SCMH1: variants seen among roughly 807,000 people sequenced by gnomAD.
SCMH1 encodes polycomb protein SCMH1.
SCMH1 carries 37 observed loss-of-function variants against 70.8 expected under a neutral mutation model. That is an observed-to-expected ratio of 0.52 (90% confidence interval 0.40 to 0.69). SCMH1 has a LOEUF of 0.69. Among genes scored for constraint, SCMH1 ranks in the 30% least tolerant of loss-of-function variants. The probability of loss-of-function intolerance (pLI) is 0.00; values close to 1 mark genes in which losing one functional copy is unlikely to be tolerated. For synonymous variants in SCMH1, 292 were observed against 307.4 expected, an observed-to-expected ratio of 0.95 and a Z score of 0.52; for missense variants, 607 against 827.3, an observed-to-expected ratio of 0.73 and a Z score of 3.27.
intron 13 of SCMH1, among the ~76,000 whole-genome samples, chr1:41,036,485 C>T (rs1227349114): frequency 1.3e-5 from 2 of 152,208 alleles, no homozygotes; most frequent in African/African-American, 2.4e-5. Flanking sequence ...CTTCTCCAAA[C>T]CTTCTGTCTC....
intron 1 of SCMH1, among the ~76,000 whole-genome samples, chr1:41,203,551 C>T (rs1654839777): frequency 6.6e-6 from 1 of 152,144 alleles, no homozygotes; most frequent in South Asian, 2.1e-4. Flanking sequence ...ATAAACTGGT[C>T]CCAAAACTGG....
At chr1:41,104,147 A>G (rs1314754784) in intron 8 of SCMH1, among the ~76,000 whole-genome samples, 1 of 152,186 alleles carries the variant, frequency 6.6e-6, no homozygotes, top group Non-Finnish European at 1.5e-5. Flanking sequence ...ACATGGTGCT[A>G]TGCATTTGCC....
At chr1:41,107,522 A>AT (rs890587927) in intron 8 of SCMH1, among the ~76,000 whole-genome samples, 6 of 149,498 alleles carry the variant, frequency 4.0e-5, no homozygotes, top group East Asian at 3.9e-4. Context: ...CTAGGATTAC[A>AT]TTTTTTTTTC....
intron 8 of SCMH1, among the ~76,000 whole-genome samples, chr1:41,099,469 C>G (rs1007231964): frequency 6.6e-6 from 1 of 152,170 alleles, no homozygotes; most frequent in African/African-American, 2.4e-5. Context: ...TTAATTTACC[C>G]CATATTCACA....
intron 6 of SCMH1, among the ~76,000 whole-genome samples, chr1:41,124,186 C>T (rs1672611219): frequency 6.6e-6 from 1 of 152,086 alleles, no homozygotes. Context: ...TGCTTTTCAT[C>T]TACATATATT....
chr1:41,165,031 C>G (rs1040653121), intron 2 of SCMH1, among the ~76,000 whole-genome samples: 1 of 152,034 alleles, frequency 6.6e-6, no homozygotes, highest in Non-Finnish European at 1.5e-5. Flanking sequence ...ACCAATGTAT[C>G]CCTTTTTTCT....
At chr1:41,217,014 TAAC>T (rs1302632041) in intron 1 of SCMH1, among the ~76,000 whole-genome samples, 3 of 152,176 alleles carry the variant, frequency 2.0e-5, no homozygotes, top group African/African-American at 7.2e-5. Flanking sequence ...TGCACTACTC[TAAC>T]AAATACTTAA....
intron 6 of SCMH1, among the ~76,000 whole-genome samples, chr1:41,131,968 T>A (rs141075708): frequency 3.0e-4 from 46 of 152,344 alleles, no homozygotes; most frequent in African/African-American, 1.1e-3. Flanking sequence ...TTTGGGTTGG[T>A]CCAATTGTTT....
At chr1:41,122,155 A>G (rs1179707892) in intron 6 of SCMH1, among the ~76,000 whole-genome samples, 1 of 152,198 alleles carries the variant, frequency 6.6e-6, no homozygotes. Context: ...TTCACAACAC[A>G]AAACAGATCT....
In SCMH1 at chr1:41,161,348, GT is replaced by G. The variant is rs1182325827; in HGVS notation, c.82+15del. The G allele has an allele frequency of 3.9e-6, 6 of 1,547,140 alleles. No individual in the cohort carries two copies. The highest frequency in any genetic ancestry group is 1.7e-4 in the Middle Eastern group (1 of 5,988). On this transcript the variant is annotated intron_variant, in intron 3 of 14. Coordinates refer to ENST00000337495, the Ensembl canonical transcript of SCMH1. Reference sequence around the variant, plus strand: ...GTAAAATTTTTCCACACCAAACGGAGTTTTTTCCCCCTTACCTTGATATTGG... The same window carrying G: ...GTAAAATTTTTCCACACCAAACGGAGTTTTTCCCCCTTACCTTGATATTGG...
chr1:41,147,709 T>C (rs1394758956), intron 5 of SCMH1, among the ~76,000 whole-genome samples: 3 of 152,166 alleles, frequency 2.0e-5, no homozygotes, highest in Non-Finnish European at 4.4e-5. Flanking sequence ...TTTTGCTTCA[T>C]GTCAGGATTT....
chr1:41,079,090 C>T (rs192507443), intron 8 of SCMH1, among the ~76,000 whole-genome samples: 16 of 151,924 alleles, frequency 1.1e-4, no homozygotes, highest in African/African-American at 1.9e-4. Context: ...TATTTGCATA[C>T]GGCAATTAAT....
intron 6 of SCMH1, among the ~76,000 whole-genome samples, chr1:41,124,019 T>C (rs888919559): frequency 1.2e-4 from 18 of 152,318 alleles, no homozygotes; most frequent in Non-Finnish European, 2.2e-4. Context: ...CTGGGGAACA[T>C]GGACACACAA....
intron 6 of SCMH1, among the ~76,000 whole-genome samples, chr1:41,135,400 C>T (rs1488241852): frequency 6.6e-6 from 1 of 152,146 alleles, no homozygotes; most frequent in East Asian, 1.9e-4. Flanking sequence ...GCAGTTTCCC[C>T]TATGCTATTC....
chr1:41,070,673 T>A, exon 10 of SCMH1: 3 of 1,614,106 alleles, frequency 1.9e-6, no homozygotes, highest in Non-Finnish European at 2.5e-6. Flanking sequence ...TCAGGAGTGC[T>A]GGTTGTTGGT....
intron 11 of SCMH1, 28 bp downstream of exon 11, chr1:41,048,662 G>C: frequency 1.2e-6 from 2 of 1,605,406 alleles, no homozygotes; most frequent in Non-Finnish European, 1.7e-6. Context: ...TTCTGGCTGG[G>C]AGGCAATATG....
Position 41,159,687 on chromosome 1 carries a change from A to G in SCMH1, c.106+1188T>C, listed in dbSNP as rs751255949. 21 of 1,516,886 alleles carry G rather than the reference A, an allele frequency of 1.4e-5. No homozygotes were observed. In the African/African-American group the frequency reaches 2.1e-4, roughly 15 times the overall value. 94.0% of individuals were successfully genotyped at this position (1,516,886 alleles called of 1,614,324 possible). On this transcript the variant is annotated intron_variant, in intron 4 of 14. Coordinates refer to ENST00000337495, the Ensembl canonical transcript of SCMH1. The stretch of plus-strand genomic sequence containing the variant: ...TGAGGAAAGTTTTAAAGAATAATAA[A>G]AAATAACTATCATTTATCAAGTGCC...
chr1:41,113,649 C>T lies in SCMH1; in HGVS notation c.502-123G>A. 1 of 869,518 alleles carries T rather than the reference C, an allele frequency of 1.2e-6. No homozygotes were observed. Among genetic ancestry groups the T allele is most frequent in the African/African-American group, 1.8e-5 (1 of 57,104 alleles). The allele number at this position is 869,518 out of a possible 1,614,324, so 53.9% of individuals were successfully genotyped here. On this transcript the variant is annotated intron_variant, in intron 7 of 14. Transcript: ENST00000337495. The surrounding 1 kb of genome is among the most constrained non-coding windows in gnomAD (Gnocchi z 4.3). ...CATGAGACTTATAATGGATATATAG[C>T]CTTTCTTTTAAATTAATTTTAAATT...
chr1:41,146,630 G>A (rs1644600268), intron 5 of SCMH1, among the ~76,000 whole-genome samples: 1 of 151,988 alleles, frequency 6.6e-6, no homozygotes, highest in African/African-American at 2.4e-5. Context: ...ACAGTATTCA[G>A]TATAGTAATA....
Sources: allele counts gnomAD v4.1 joint callset (sites outside exome capture counted in the v4.1 genomes callset), GRCh38; gene constraint gnomAD v4.1.1; non-coding constraint Gnocchi (gnomAD v3.1); transcripts MANE v1.5; gene names NCBI Gene and HGNC (gene_info 2026-07-23, HGNC 2026-07-21).